The following AKAP17A variants were observed in gnomAD, a reference collection of about 807,000 sequenced individuals.
AKAP17A encodes the protein A-kinase anchor protein 17A.
Under a neutral mutation model 52.2 loss-of-function variants are expected in AKAP17A, and 15 were observed. That is an observed-to-expected ratio of 0.29 (90% CI 0.19 to 0.44). The LOEUF is 0.44. AKAP17A is among the 20% of genes least tolerant of loss of function. AKAP17A has a pLI of 1.00. For missense variants in AKAP17A, 1,060 were observed against 1,007.0 expected (o/e 1.05, Z -0.71); for synonymous variants, 514 against 424.7 (o/e 1.21, Z -2.58).
At position 1,593,753 on chromosome X, in the gene AKAP17A, C is replaced by T. The variant is rs367876506; in HGVS notation, c.291C>T (p.Asp97=). The part of the protein sequence containing the change: ...SLVKSFLACL[D]GKTIKLSGFS... ...TCAAGTCTTTTCTGGCCTGCCTGGA[C>T]GGCAAGACCATCAAGCTCAGCGGCT... is the stretch of plus-strand genomic sequence containing the variant. The change falls in exon 2 of 5, where the codon GAC becomes GAT. Residue 97 remains aspartate, a synonymous_variant. Coordinates refer to ENST00000313871, the MANE Select transcript of AKAP17A (RefSeq NM_005088.3). The T allele has an allele frequency of 7.7e-5, 124 of 1,613,808 alleles. 1 individual carries two copies. The East Asian group carries it at 1.7e-3, about 23-fold the overall frequency.
chrX:1,600,862 A>G lies in AKAP17A; in HGVS notation c.1356A>G (p.Thr452=), dbSNP rs145126120. The change falls in exon 5 of 5, where the codon ACA becomes ACG. Residue 452 remains threonine (T), a synonymous_variant. Coordinates refer to ENST00000313871, the MANE Select transcript of AKAP17A (RefSeq NM_005088.3). ...GCAAGAAGCCGGACGACAGCCACAC[A>G]CACGACGAGCTGGGCGTGGCACACG... ...LLSKKPDDSH[T]HDELGVAHAD... 3 of 1,590,080 alleles carry G rather than the reference A, an allele frequency of 1.9e-6. No homozygotes were observed. The highest frequency in any genetic ancestry group is 1.7e-6 in the Non-Finnish European group (2 of 1,172,430).
intron 1 of AKAP17A, among the ~76,000 whole-genome samples, 177 bp downstream of exon 1, chrX:1,591,946 C>T (rs1932844446): frequency 8.9e-5 from 3 of 33,696 alleles, no homozygotes; most frequent in East Asian, 1.7e-3. Flanking sequence ...TGAAACTGTA[C>T]GGGGGAATCG....
At position 1,600,778 on chromosome X, in the gene AKAP17A, G is replaced by A. The variant is rs369342909; in HGVS notation, c.1272G>A (p.Ala424=). 29 of 1,577,110 alleles carry A rather than the reference G, an allele frequency of 1.8e-5. No individual in the cohort carries two copies. Among genetic ancestry groups the A allele is most frequent in the South Asian group, 4.6e-5 (4 of 87,032 alleles). Residue 424 remains alanine, a synonymous_variant, in exon 5 of 5, where the codon GCG becomes GCA. Coordinates refer to ENST00000313871, the MANE Select transcript of AKAP17A (RefSeq NM_005088.3). ...LRRVEEEKER[A]LGLQRKEREL... is the part of the protein sequence containing the mutation. ...GCGTGGAGGAGGAGAAGGAGCGCGC[G>A]CTGGGCCTGCAGCGGAAAGAGCGGG...
intron 3 of AKAP17A, among the ~76,000 whole-genome samples, chrX:1,598,141 G>C (rs1166532794): frequency 6.6e-6 from 1 of 152,194 alleles, no homozygotes; most frequent in Non-Finnish European, 1.5e-5. Context: ...CCCGCCTAAG[G>C]GCGTGCTGTG....
chrX:1,599,107 C>T lies in AKAP17A; in HGVS notation c.912-85C>T, dbSNP rs183849173. 2.3e-5 allele frequency: 36 copies of T among 1,552,414 alleles called. 1 individual carries two copies. In the Middle Eastern group the frequency reaches 1.2e-3, roughly 52 times the overall value. On this transcript the variant is annotated intron_variant, in intron 3 of 4. Coordinates refer to ENST00000313871, the MANE Select transcript of AKAP17A (RefSeq NM_005088.3). ...TTAATCGTTGGACCGTGGCCTGTTC[C>T]GCCGTGTTTGGAAAGCCGCTTGTAT...
Position 1,593,727 on chromosome X carries a change from G to A in AKAP17A, c.265G>A (p.Val89Ile). Residue 89 changes from valine to isoleucine, a missense_variant, in exon 2 of 5, where the codon GTC becomes ATC. Transcript: ENST00000313871. Reference sequence around the variant, plus strand: ...GGGGGAGGTGGAGAACAAGAGCCTGGTCAAGTCTTTTCTGGCCTGCCTGGA... The same window carrying A: ...GGGGGAGGTGGAGAACAAGAGCCTGATCAAGTCTTTTCTGGCCTGCCTGGA... ...FEGEVENKSL[V>I]KSFLACLDGK... is the part of the protein sequence containing the mutation. 1 of 1,613,980 alleles carries A rather than the reference G, an allele frequency of 6.2e-7. No individual in the cohort carries two copies.
At chrX:1,597,937 C>T (rs193069405) in intron 3 of AKAP17A, among the ~76,000 whole-genome samples, 20 of 152,228 alleles carry the variant, frequency 1.3e-4, no homozygotes, top group Admixed American at 3.9e-4. Context: ...CACGCAGGGC[C>T]GTACTTGTCC....
At chrX:1,597,485 G>C (rs190921086) in intron 3 of AKAP17A, among the ~76,000 whole-genome samples, 69 of 152,244 alleles carry the variant, frequency 4.5e-4, no homozygotes, top group African/African-American at 1.6e-3. Context: ...GTGGGGTTGA[G>C]TCCGGGTCCC....
chrX:1,600,620 C>G, intron 4 of AKAP17A, 39 bp from the exon 5 acceptor site: 1 of 1,491,850 alleles, frequency 6.7e-7, no homozygotes, highest in Non-Finnish European at 8.9e-7. Context: ...CGGCCAGGCT[C>G]AGGAACCGGG....
chrX:1,593,455 C>G lies in AKAP17A; in HGVS notation c.-8C>G, dbSNP rs757849180. ...GTCTTATGTTTCAGGCCCAAGGTCCCGGAGGCTATGGCAGCGGCTACCATC... is the reference window on the plus strand; with the variant it reads ...GTCTTATGTTTCAGGCCCAAGGTCCGGGAGGCTATGGCAGCGGCTACCATC... On this transcript the variant is annotated 5_prime_UTR_variant, in exon 2 of 5. Coordinates refer to ENST00000313871, the MANE Select transcript of AKAP17A (RefSeq NM_005088.3). 5.0e-6 allele frequency: 8 copies of G among 1,610,212 alleles called. No homozygotes were observed. In the African/African-American group the frequency reaches 5.3e-5, roughly 11 times the overall value.
chrX:1,599,499 T>C (rs1206059220), intron 4 of AKAP17A, 67 bp downstream of exon 4: 6 of 1,549,340 alleles, frequency 3.9e-6, no homozygotes, highest in Non-Finnish European at 4.4e-6. Flanking sequence ...TCCCCTGAAA[T>C]GCGGGCGGCG....
chrX:1,593,488 A>G lies in AKAP17A; in HGVS notation c.26A>G (p.Asp9Gly). Residue 9 changes from aspartate (D) to glycine (G), a missense_variant, in exon 2 of 5, where the codon GAC becomes GGC. Around this residue, in one of 2 missense-constraint regions of AKAP17A, gnomAD observed 267 missense variants for 377.1 expected, o/e 0.71. Transcript: ENST00000313871. Reference sequence around the variant, plus strand: ...ATGGCAGCGGCTACCATCGTGCACGACACGTCTGAGGCCGTGGAGCTCTGC... The same window carrying G: ...ATGGCAGCGGCTACCATCGTGCACGGCACGTCTGAGGCCGTGGAGCTCTGC... Reference protein sequence around the residue: MAAATIVHDTSEAVELCPA... With the variant: MAAATIVHGTSEAVELCPA... 6.2e-7 allele frequency: 1 copy of G among 1,613,496 alleles called. No homozygotes were observed. The highest frequency in any genetic ancestry group is 8.5e-7 in the Non-Finnish European group (1 of 1,179,768).
At chrX:1,595,230 TGGGTCTGCACCGGACATGAGTGGTGAGC>T (rs376962526) in intron 2 of AKAP17A, among the ~76,000 whole-genome samples, 126 bp from the exon 3 acceptor site, 93,493 of 151,606 alleles carry the variant, frequency 0.62, 28,944 homozygotes, top group Middle Eastern at 0.67. Flanking sequence ...CTCCACTGTC[TGGGTCTGCACCGGACATGAGTGGTGAGC>T]GGTGAGCGGT....
chrX:1,600,590 C>G, intron 4 of AKAP17A, 69 bp from the exon 5 acceptor site: 1 of 1,416,616 alleles, frequency 7.1e-7, no homozygotes, highest in Non-Finnish European at 9.4e-7. Context: ...AACACCTTCC[C>G]AGCTCCTGTC....
At chrX:1,592,088 C>T (rs1303060550) in intron 1 of AKAP17A, among the ~76,000 whole-genome samples, 1 of 150,760 alleles carries the variant, frequency 6.6e-6, no homozygotes, top group East Asian at 2.0e-4. Context: ...CTCGGGGGAT[C>T]GGATGGGCGG....
intron 4 of AKAP17A, chrX:1,599,709 G>T: frequency 1.6e-6 from 1 of 630,556 alleles, no homozygotes; most frequent in Non-Finnish European, 2.9e-6. Flanking sequence ...CCAGGGCAGA[G>T]GCTCTCTGTT....
intron 4 of AKAP17A, 25 bp from the exon 5 acceptor site, chrX:1,600,634 A>G (rs779778941): frequency 2.0e-5 from 30 of 1,514,404 alleles, no homozygotes; most frequent in Non-Finnish European, 5.3e-6. Flanking sequence ...AACCGGGCTC[A>G]GCTGCACTTT....
intron 2 of AKAP17A, among the ~76,000 whole-genome samples, chrX:1,595,029 G>C (rs185397493): frequency 6.6e-6 from 1 of 152,256 alleles, no homozygotes; most frequent in Non-Finnish European, 1.5e-5. Context: ...GGCCTGCTCA[G>C]TGACTGTGGC....
chrX:1,600,847 G>T lies in AKAP17A; in HGVS notation c.1341G>T (p.Pro447=). 1.3e-6 allele frequency: 2 copies of T among 1,591,252 alleles called. No homozygotes were observed. Among genetic ancestry groups the T allele is most frequent in the Non-Finnish European group, 8.5e-7 (1 of 1,173,208 alleles). The part of the protein sequence containing the change: ...RLLSILLSKK[P]DDSHTHDELG... Reference sequence around the variant, plus strand: ...TGAGCATCCTGCTGAGCAAGAAGCCGGACGACAGCCACACACACGACGAGC... The same window carrying T: ...TGAGCATCCTGCTGAGCAAGAAGCCTGACGACAGCCACACACACGACGAGC... The change falls in exon 5 of 5, where the codon CCG becomes CCT. Residue 447 remains proline (P), a synonymous_variant. Coordinates refer to ENST00000313871, the MANE Select transcript of AKAP17A (RefSeq NM_005088.3).
Sources: gnomAD v4.1 joint callset for allele counts (sites outside exome capture counted in the v4.1 genomes callset) on GRCh38, gnomAD v4.1.1 for gene constraint, gnomAD v4.1.1 regional missense constraint, MANE v1.5 for transcripts, NCBI Gene and HGNC (gene_info 2026-07-23, HGNC 2026-07-21) for gene names.